Variants in CHD6 observed in about 807,000 individuals in gnomAD.
CHD6 encodes ATP-dependent chromatin remodeler CHD6.
A neutral mutation model predicts 276.9 loss-of-function variants in CHD6; 50 were observed. The ratio of observed to expected loss-of-function variants is 0.18; its 90% CI spans 0.14 to 0.23. The LOEUF (loss-of-function observed/expected upper bound fraction) is 0.23. Ranked by LOEUF, CHD6 falls within the 10% of genes least tolerant of loss-of-function variation. The pLI is 1.00. For missense variants in CHD6, 2,564 were observed against 3,365.8 expected (o/e 0.76, Z 5.89); for synonymous variants, 1,173 against 1,229.3 (o/e 0.95, Z 0.96).
intron 1 of CHD6, among the ~76,000 whole-genome samples, chr20:41,568,963 T>C (rs2146203403): frequency 1.3e-5 from 2 of 152,318 alleles, no homozygotes; most frequent in Middle Eastern, 6.8e-3. Flanking sequence ...TTTTCAAAGA[T>C]GAGTATCAGT....
chr20:41,536,431 G>T (rs373246719), intron 2 of CHD6, among the ~76,000 whole-genome samples: 1 of 152,262 alleles, frequency 6.6e-6, no homozygotes, highest in African/African-American at 2.4e-5. Flanking sequence ...AGATAAACTG[G>T]ATCAGGTCAG....
At position 41,408,227 on chromosome 20, in the gene CHD6, G is replaced by A. The variant is rs766321482; in HGVS notation, c.7252-2738C>T. 2.6e-5 allele frequency among the ~76,000 whole-genome samples: 4 copies of A among 151,722 alleles called. No homozygotes were observed. In the South Asian group the frequency reaches 8.3e-4, roughly 32 times the overall value. On this transcript the variant is annotated intron_variant, in intron 36 of 36. Transcript: ENST00000373233. ...TCCCCTTCGTTTTCACAAGCTGGGGGTGGGGGTGGGGAGGGTACAGTTGGT... is the reference window on the plus strand; with the variant it reads ...TCCCCTTCGTTTTCACAAGCTGGGGATGGGGGTGGGGAGGGTACAGTTGGT...
At chr20:41,595,542 C>G (rs2045708586) in intron 1 of CHD6, among the ~76,000 whole-genome samples, 1 of 152,048 alleles carries the variant, frequency 6.6e-6, no homozygotes, top group African/African-American at 2.4e-5. Flanking sequence ...CAAGAAATCT[C>G]TAGTAAGAGA....
Position 41,493,912 on chromosome 20 carries a change from T to C in CHD6, c.1125A>G (p.Val375=). The C allele has an allele frequency of 1.2e-6, 2 of 1,613,972 alleles. No individual in the cohort carries two copies. Among genetic ancestry groups the C allele is most frequent in the Non-Finnish European group, 1.7e-6 (2 of 1,179,908 alleles). The stretch of plus-strand genomic sequence containing the variant: ...CCACCTCCAAGATGCGATCAACTTC[T>C]ACATAGTCTGGATTGAACAAGTCTT... The part of the protein sequence containing the change: ...PDEDLFNPDY[V]EVDRILEVAH... Residue 375 remains valine (V), a synonymous_variant, in exon 9 of 37, where the codon GTA becomes GTG. Coordinates refer to ENST00000373233, the MANE Select transcript of CHD6 (RefSeq NM_032221.5).
chr20:41,435,399 T>C (rs1291255226), intron 27 of CHD6, among the ~76,000 whole-genome samples: 2 of 152,006 alleles, frequency 1.3e-5, no homozygotes, highest in African/African-American at 2.4e-5. Flanking sequence ...AGTTCAATAC[T>C]AGCCTGGGCA....
intron 27 of CHD6, among the ~76,000 whole-genome samples, chr20:41,427,283 A>G (rs1417587924): frequency 6.6e-6 from 1 of 151,904 alleles, no homozygotes; most frequent in African/African-American, 2.4e-5. Context: ...TGGGCCCCTG[A>G]TACGACGCAA....
At chr20:41,507,412 T>TA (rs1002803107) in intron 5 of CHD6, among the ~76,000 whole-genome samples, 3 of 151,758 alleles carry the variant, frequency 2.0e-5, no homozygotes, top group African/African-American at 4.8e-5. Context: ...TTGGCACTGT[T>TA]AAAAAAGAGG....
chr20:41,502,050 TACAA>T (rs1328127354), intron 5 of CHD6, among the ~76,000 whole-genome samples: 1 of 152,184 alleles, frequency 6.6e-6, no homozygotes, highest in African/African-American at 2.4e-5. Flanking sequence ...ATACACAGAT[TACAA>T]ACATTTTCTA....
chr20:41,503,499 C>T (rs1210140230), intron 5 of CHD6, among the ~76,000 whole-genome samples: 1 of 152,068 alleles, frequency 6.6e-6, no homozygotes, highest in Non-Finnish European at 1.5e-5. Flanking sequence ...ATTTTTCTTA[C>T]TCTCAAATTC....
intron 17 of CHD6, among the ~76,000 whole-genome samples, chr20:41,468,529 G>A (rs1168184046): frequency 6.6e-6 from 1 of 152,186 alleles, no homozygotes; most frequent in Non-Finnish European, 1.5e-5. Flanking sequence ...AAAACTGTCA[G>A]TCTAGCTCAC....
chr20:41,618,098 C>A (rs866087006), intron 1 of CHD6, among the ~76,000 whole-genome samples: 2 of 149,318 alleles, frequency 1.3e-5, no homozygotes, highest in East Asian at 3.9e-4. Context: ...AGTAGCCTGG[C>A]GTGGCAGAGG....
intron 3 of CHD6, among the ~76,000 whole-genome samples, chr20:41,528,701 G>A (rs1476121722): frequency 6.6e-6 from 1 of 152,082 alleles, no homozygotes. Flanking sequence ...ATAAATACTA[G>A]TTTCAATTGA....
chr20:41,453,821 T>C (rs950930629), intron 20 of CHD6, among the ~76,000 whole-genome samples: 3 of 152,196 alleles, frequency 2.0e-5, no homozygotes, highest in African/African-American at 7.2e-5. Context: ...AATCAGCATT[T>C]CTATTTATAG....
chr20:41,596,863 T>C (rs962466620), intron 1 of CHD6, among the ~76,000 whole-genome samples: 11 of 151,918 alleles, frequency 7.2e-5, no homozygotes, highest in South Asian at 6.2e-4. Flanking sequence ...GAACTGGAAA[T>C]GGAAAGATCG....
At chr20:41,524,852 T>C (rs948150305) in intron 3 of CHD6, among the ~76,000 whole-genome samples, 2 of 152,238 alleles carry the variant, frequency 1.3e-5, no homozygotes, top group African/African-American at 4.8e-5. Context: ...GACCCATTCT[T>C]GTGTTGCAGA....
At chr20:41,483,273 C>T in intron 16 of CHD6, 36 bp downstream of exon 16, 1 of 1,538,574 alleles carries the variant, frequency 6.5e-7, no homozygotes, top group Non-Finnish European at 8.8e-7. Flanking sequence ...AGGAACTGTC[C>T]CATTGTTGAA....
At chr20:41,561,835 C>T (rs2045304905) in intron 1 of CHD6, among the ~76,000 whole-genome samples, 1 of 152,152 alleles carries the variant, frequency 6.6e-6, no homozygotes, top group Non-Finnish European at 1.5e-5. Context: ...CTGATTTCTG[C>T]CCATTTGTAT....
At chr20:41,555,830 C>T (rs1283704333) in intron 1 of CHD6, among the ~76,000 whole-genome samples, 1 of 152,096 alleles carries the variant, frequency 6.6e-6, no homozygotes, top group Non-Finnish European at 1.5e-5. Flanking sequence ...CAGAGACGCT[C>T]CTCACTTCCC....
intron 26 of CHD6, 129 bp from the exon 27 acceptor site, chr20:41,437,463 G>A (rs754619298): frequency 1.8e-4 from 108 of 599,426 alleles, no homozygotes; most frequent in Non-Finnish European, 2.8e-4. Context: ...GAGAGAGAGA[G>A]ATCACATTCA....
Sources: allele counts gnomAD v4.1 joint callset (sites outside exome capture counted in the v4.1 genomes callset), GRCh38; gene constraint gnomAD v4.1.1; transcripts MANE v1.5; gene names NCBI Gene and HGNC (gene_info 2026-07-23, HGNC 2026-07-21).